PCDH9: variants seen among roughly 807,000 people sequenced by gnomAD.
PCDH9 encodes protocadherin-9.
PCDH9 carries 24 observed loss-of-function variants against 70.6 expected under a neutral mutation model. That is an observed-to-expected ratio of 0.34 (90% CI 0.25 to 0.48). The LOEUF is 0.48. Ranked by LOEUF, PCDH9 falls within the 20% of genes least tolerant of loss-of-function variation. PCDH9 has a pLI of 0.99. For synonymous variants in PCDH9, 562 were observed against 558.5 expected (o/e 1.01, Z -0.09); for missense variants, 1,281 against 1,503.6 (o/e 0.85, Z 2.45).
chr13:66,326,555 A>T (rs1449747479), intron 4 of PCDH9, among the ~76,000 whole-genome samples: 2 of 152,010 alleles, frequency 1.3e-5, no homozygotes, highest in East Asian at 1.9e-4. Context: ...AGTAGCTGGG[A>T]CTACAGGCGC....
At chr13:66,350,196 T>C (rs757865532) in intron 4 of PCDH9, among the ~76,000 whole-genome samples, 4 of 152,182 alleles carry the variant, frequency 2.6e-5, no homozygotes, top group Non-Finnish European at 4.4e-5. Context: ...TAAATTCAAC[T>C]TGACATAAAG....
chr13:66,538,642 T>G (rs1960810338), intron 4 of PCDH9, among the ~76,000 whole-genome samples: 1 of 151,888 alleles, frequency 6.6e-6, no homozygotes, highest in Non-Finnish European at 1.5e-5. Flanking sequence ...TTTTTTTAAT[T>G]AAAATCTTCA....
rs1487905107 is a variant in PCDH9 at position 66,887,072 on chromosome 13, CACACA to C, written c.3138+16427_3138+16431del. 1.2e-3 allele frequency among the ~76,000 whole-genome samples: 168 copies of C among 134,886 alleles called. 1 individual carries two copies. The highest frequency in any genetic ancestry group is 7.8e-3 in the South Asian group (32 of 4,088). 88.5% of individuals were successfully genotyped at this position (134,886 alleles called of 152,430 possible). A position where few individuals can be genotyped will look rare whatever the true frequency, so the allele number is the denominator to read the frequency against. On this transcript the variant is annotated intron_variant, in intron 3 of 4. Transcript: ENST00000377865. Reference sequence around the variant, plus strand: ...ACACACACACACACACACACACACACACACACCCTGTATTTCTAGACAATTCATTA... The same window carrying C: ...ACACACACACACACACACACACACACCCCTGTATTTCTAGACAATTCATTA...
intron 4 of PCDH9, among the ~76,000 whole-genome samples, chr13:66,315,775 C>A (rs1317524535): frequency 6.6e-6 from 1 of 152,174 alleles, no homozygotes; most frequent in African/African-American, 2.4e-5. Flanking sequence ...GCTACTGGGC[C>A]CAGTGGCCAC....
At chr13:67,109,631 T>A (rs564495525) in intron 2 of PCDH9, among the ~76,000 whole-genome samples, 1 of 152,220 alleles carries the variant, frequency 6.6e-6, no homozygotes, top group Non-Finnish European at 1.5e-5. Flanking sequence ...AAGTTTAGTA[T>A]TTAGCATTAT....
At chr13:66,488,018 T>C (rs1958973900) in intron 4 of PCDH9, among the ~76,000 whole-genome samples, 1 of 152,164 alleles carries the variant, frequency 6.6e-6, no homozygotes, top group Non-Finnish European at 1.5e-5. Context: ...ACCACAGCTT[T>C]CCTGGTGCCG....
intron 2 of PCDH9, among the ~76,000 whole-genome samples, chr13:67,049,424 C>A (rs1010101619): frequency 6.6e-6 from 1 of 152,162 alleles, no homozygotes; most frequent in Non-Finnish European, 1.5e-5. Flanking sequence ...AAACCTATTC[C>A]AATCATTGTG....
chr13:67,001,735 A>G (rs1482110705), intron 2 of PCDH9: 3 of 152,266 alleles, frequency 2.0e-5, no homozygotes, highest in African/African-American at 7.2e-5. Flanking sequence ...ACCCCGCTTA[A>G]GAGCAGAACC....
At chr13:66,797,178 A>G (rs1251997891) in intron 3 of PCDH9, among the ~76,000 whole-genome samples, 1 of 152,112 alleles carries the variant, frequency 6.6e-6, no homozygotes, top group Non-Finnish European at 1.5e-5. Context: ...ATATTTTAAA[A>G]TATGTGTTGC....
At chr13:66,352,319 T>C (rs1285609833) in intron 4 of PCDH9, among the ~76,000 whole-genome samples, 2 of 152,210 alleles carry the variant, frequency 1.3e-5, no homozygotes, top group African/African-American at 4.8e-5. Context: ...TGCCTTTGCA[T>C]GCCCTTGCTG....
At chr13:67,218,320 C>T (rs1176537804) in intron 2 of PCDH9, 1 of 151,982 alleles carries the variant, frequency 6.6e-6, no homozygotes, top group African/African-American at 2.4e-5. Flanking sequence ...TAAATATTCT[C>T]AGAATGAAAG....
intron 4 of PCDH9, among the ~76,000 whole-genome samples, chr13:66,434,511 C>T (rs1957832564): frequency 6.6e-6 from 1 of 151,930 alleles, no homozygotes; most frequent in African/African-American, 2.4e-5. Flanking sequence ...CTGTTGTGTT[C>T]ACTGCTGCAT....
intron 4 of PCDH9, among the ~76,000 whole-genome samples, chr13:66,397,546 GAT>G (rs1318446510): frequency 4.1e-5 from 6 of 147,204 alleles, no homozygotes; most frequent in African/African-American, 1.5e-4. Flanking sequence ...CATATATGTC[GAT>G]ATATATGTGT....
At chr13:67,084,915 C>T (rs1186561464) in intron 2 of PCDH9, among the ~76,000 whole-genome samples, 1 of 124,556 alleles carries the variant, frequency 8.0e-6, no homozygotes, top group Non-Finnish European at 1.6e-5. Flanking sequence ...TGCAGTGAGC[C>T]GAGATCACAC....
chr13:66,410,633 G>C (rs934035185), intron 4 of PCDH9, among the ~76,000 whole-genome samples: 3 of 152,194 alleles, frequency 2.0e-5, no homozygotes, highest in Non-Finnish European at 4.4e-5. Context: ...AGCTCCTGCA[G>C]GACAGAAATG....
chr13:66,753,811 A>G (rs978951648), intron 3 of PCDH9, among the ~76,000 whole-genome samples: 3 of 152,220 alleles, frequency 2.0e-5, no homozygotes, highest in East Asian at 1.9e-4. Context: ...AGACAAAAAT[A>G]TGCCATGATT....
At chr13:66,362,115 A>G (rs545650686) in intron 4 of PCDH9, among the ~76,000 whole-genome samples, 1 of 152,346 alleles carries the variant, frequency 6.6e-6, no homozygotes, top group Admixed American at 6.5e-5. Context: ...ATATCATTAG[A>G]ATACACTTTA....
At chr13:66,305,139 G>T in intron 4 of PCDH9, 111 bp from the exon 5 acceptor site, 3 of 989,888 alleles carry the variant, frequency 3.0e-6, no homozygotes, top group Non-Finnish European at 4.3e-6. Flanking sequence ...TCATAAAAGT[G>T]TATCAAGTCA....
At chr13:66,496,220 A>G (rs549929239) in intron 4 of PCDH9, among the ~76,000 whole-genome samples, 3 of 152,282 alleles carry the variant, frequency 2.0e-5, no homozygotes, top group African/African-American at 7.2e-5. Flanking sequence ...AAAAATTAAC[A>G]TTTGTCCAGT....
Sources: gnomAD v4.1 joint callset for allele counts (sites outside exome capture counted in the v4.1 genomes callset) on GRCh38, gnomAD v4.1.1 for gene constraint, MANE v1.5 for transcripts, NCBI Gene and HGNC (gene_info 2026-07-23, HGNC 2026-07-21) for gene names.